Variants in FAM221B observed in about 807,000 individuals in gnomAD.
The protein encoded by FAM221B is protein FAM221B.
FAM221B carries 35 observed loss-of-function variants against 39.8 expected under a neutral mutation model. That is an observed-to-expected ratio of 0.88 (90% CI 0.67 to 1.17). FAM221B has a LOEUF of 1.17. Among genes scored for constraint, FAM221B ranks in the 50% most tolerant of loss-of-function variants. The pLI, the probability that FAM221B is intolerant of heterozygous loss-of-function variation, is 0.00. For synonymous variants in FAM221B, 158 were observed against 178.1 expected, an observed-to-expected ratio of 0.89 and a Z score of 0.90; for missense variants, 479 against 503.1, an observed-to-expected ratio of 0.95 and a Z score of 0.46.
At chr9:35,823,226 A>G (rs1298167714) in intron 3 of FAM221B, among the ~76,000 whole-genome samples, 1 of 152,190 alleles carries the variant, frequency 6.6e-6, no homozygotes, top group African/African-American at 2.4e-5. Flanking sequence ...CTGCTCATGC[A>G]GCAGTCTAGG....
In FAM221B at chr9:35,819,224, T is replaced by A. The variant is rs1829084868; in HGVS notation, c.1024A>T (p.Thr342Ser). 3.2e-6 allele frequency: 5 copies of A among 1,551,664 alleles called. No individual in the cohort carries two copies. The highest frequency in any genetic ancestry group is 4.4e-6 in the Non-Finnish European group (5 of 1,146,966). Reference protein sequence around the residue: ...CKHSHEEHAATGPHPCRHHGC... With the variant: ...CKHSHEEHAASGPHPCRHHGC... ...TGATGCCTGCAGGGATGGGGCCCAG[T>A]GGCTGCATGTTCTTCGTGGCTGTGT... The change falls in exon 5 of 7, where the codon ACT becomes TCT. Residue 342 changes from threonine (T) to serine (S), a missense_variant. Coordinates refer to ENST00000423537, the MANE Select transcript of FAM221B (RefSeq NM_001012446.4).
In FAM221B at chr9:35,819,392, T is replaced by C. The variant is rs1160228414; in HGVS notation, c.856A>G (p.Ile286Val). The change falls in exon 5 of 7, where the codon ATA becomes GTA. Residue 286 changes from isoleucine to valine, a missense_variant and splice_region_variant. Transcript: ENST00000423537. ...TGGCTTACCTTGCAGGGCACCGATA[T>C]GTCTGTGGGATTGGGGATGGATGGT... ...LLREHRIISDISVPCKVSQCR... is the reference protein window; with the variant it reads ...LLREHRIISDVSVPCKVSQCR... 6.4e-7 allele frequency: 1 copy of C among 1,551,114 alleles called. No homozygotes were observed. Among genetic ancestry groups the C allele is most frequent in the East Asian group, 2.4e-5 (1 of 40,888 alleles).
Position 35,819,352 on chromosome 9 carries a change from A to G in FAM221B, c.896T>C (p.Met299Thr), listed in dbSNP as rs1293745674. Residue 299 changes from methionine to threonine, a missense_variant, in exon 5 of 7, where the codon ATG (methionine) becomes ACG (threonine). Met to Thr is a moderately conservative substitution (Grantham distance 81). Coordinates refer to ENST00000423537, the MANE Select transcript of FAM221B (RefSeq NM_001012446.4). ...TGGGCGTGATGGGATAAAGCAGAAC[A>G]TGAAGCAGCGGCACTGGCTTACCTT... ...PCKVSQCRCF[M>T]FCFIPSRPEE... 6.4e-7 allele frequency: 1 copy of G among 1,551,728 alleles called. No homozygotes were observed. The highest frequency in any genetic ancestry group is 8.7e-7 in the Non-Finnish European group (1 of 1,147,000).
Position 35,817,656 on chromosome 9 carries a change from CTCT to C in FAM221B, c.*810_*812del, listed in dbSNP as rs1829049606. The stretch of plus-strand genomic sequence containing the variant: ...TTAGCCTTCCCAAACCTTCCCCTTT[CTCT>C]TCTTGTCTCCTGCTCCCTACTCTTA... On this transcript the variant is annotated 3_prime_UTR_variant, in exon 7 of 7. Coordinates refer to ENST00000423537, the MANE Select transcript of FAM221B (RefSeq NM_001012446.4). 1 of 152,350 alleles carries C rather than the reference CTCT, an allele frequency of 6.6e-6. No individual in the cohort carries two copies. The highest frequency in any genetic ancestry group is 1.5e-5 in the Non-Finnish European group (1 of 68,150). 9.4% of individuals were successfully genotyped at this position (152,350 alleles called of 1,614,324 possible).
rs1462728371 is a variant in FAM221B at position 35,828,056 on chromosome 9, C to A, written c.-1+407G>T. 6.6e-6 allele frequency among the ~76,000 whole-genome samples: 1 copy of A among 152,078 alleles called. No individual in the cohort carries two copies. The highest frequency in any genetic ancestry group is 1.5e-5 in the Non-Finnish European group (1 of 68,026). On this transcript the variant is annotated intron_variant, in intron 1 of 6. Coordinates refer to ENST00000423537, the MANE Select transcript of FAM221B (RefSeq NM_001012446.4). The surrounding 1 kb of genome is among the most constrained non-coding windows in gnomAD (Gnocchi z 4.5). ...GCCAGTAATCCCAGAATTTGGGAGG[C>A]CAAGGCGGGTGGATCACTTGAGGTC...
Position 35,819,442 on chromosome 9 carries a change from C to G in FAM221B, c.854-48G>C, listed in dbSNP as rs745656187. 3 of 1,504,682 alleles carry G rather than the reference C, an allele frequency of 2.0e-6. No individual in the cohort carries two copies. In the South Asian group the frequency reaches 3.7e-5, roughly 19 times the overall value. The allele number at this position is 1,504,682 out of a possible 1,614,324, so 93.2% of individuals were successfully genotyped here. ...TAGGGTTAATCTGATAGGACCTTGC[C>G]TTCTCATGCCAACCCCATCCTCCAT... On this transcript the variant is annotated intron_variant, in intron 4 of 6. Transcript: ENST00000423537.
rs921371816 is a variant in FAM221B, at chr9:35,818,461, G to A, written c.*8C>T. 6.4e-7 allele frequency: 1 copy of A among 1,551,648 alleles called. No individual in the cohort carries two copies. On this transcript the variant is annotated 3_prime_UTR_variant, in exon 7 of 7. Transcript: ENST00000423537. ...TGACTCCTCTTTTATTGCTGATCTG[G>A]GCCAGACTCACAAAGGCCTGTGCCA...
intron 3 of FAM221B, chr9:35,821,716 G>A: frequency 1.1e-6 from 1 of 876,304 alleles, no homozygotes; most frequent in Non-Finnish European, 1.7e-6. Context: ...TCAAGTCCAA[G>A]CACTAGTGTA....
intron 1 of FAM221B, 117 bp from the exon 2 acceptor site, chr9:35,826,278 T>C: frequency 1.3e-6 from 1 of 774,022 alleles, no homozygotes; most frequent in Non-Finnish European, 2.1e-6. Flanking sequence ...TCAGTGCAGC[T>C]GAGATATAAG....
In FAM221B at chr9:35,818,999, G is replaced by A. The variant is rs10972591; in HGVS notation, c.1062C>T (p.Cys354=). Residue 354 remains cysteine, a synonymous_variant, in exon 6 of 7, where the codon TGC becomes TGT. Transcript: ENST00000423537. ...AGAGGAAATTAGACTCAAAACAGCC[G>A]CAGCAACAGCCTGGGGCAAAAGTGC... ...PHPCRHHGCC[C]GCFESNFLCA... 0.027 allele frequency: 42,232 copies of A among 1,551,584 alleles called. 1,236 individuals carry two copies. Among genetic ancestry groups the A allele is most frequent in the African/African-American group, 0.15 (11,016 of 73,102 alleles).
chr9:35,825,372 A>G lies in FAM221B; in HGVS notation c.600T>C (p.Gly200=), dbSNP rs186319743. 4.8e-5 allele frequency: 77 copies of G among 1,614,100 alleles called. No individual in the cohort carries two copies. In the Admixed American group the frequency reaches 7.7e-4, roughly 16 times the overall value. ...CAGGGAACACTGGGCGGGCTGTGTT[A>G]CCTAGGATGGGAGAGGATGAGTAAC... is the stretch of plus-strand genomic sequence containing the variant. ...AHTAQPGHQL[G]NTARPVFPAR... Residue 200 remains glycine, a splice_region_variant and synonymous_variant, in exon 3 of 7, where the codon GGT becomes GGC. Transcript: ENST00000423537. This position sits in a 1 kb window ranked among gnomAD's most constrained non-coding sequence, Gnocchi z 4.2.
Position 35,818,908 on chromosome 9 carries a change from G to C in FAM221B, c.1153C>G (p.Arg385Gly). ...GCCTCACCGCGAGGCCTTCCTCCTC[G>C]TTGCCGGGTCTTCTGGGTGTCAAAG... ...TFFDTQKTRQ[R>G]GGRPRGTDTV... Residue 385 changes from arginine (R) to glycine (G), a missense_variant, in exon 6 of 7, where the codon CGA (arginine) becomes GGA (glycine). Physicochemically the swap from Arg to Gly is moderately radical, Grantham distance 125 (BLOSUM62 -2). Transcript: ENST00000423537. The C allele has an allele frequency of 6.4e-7, 1 of 1,551,900 alleles. No homozygotes were observed. Among genetic ancestry groups the C allele is most frequent in the Non-Finnish European group, 8.7e-7 (1 of 1,147,064 alleles).
intron 4 of FAM221B, 60 bp downstream of exon 4, chr9:35,819,830 G>A: frequency 7.5e-7 from 1 of 1,328,322 alleles, no homozygotes; most frequent in Non-Finnish European, 1.1e-6. Context: ...TACTTCCCAA[G>A]ACATGACAGA....
chr9:35,827,177 T>G (rs1396396476), intron 1 of FAM221B, among the ~76,000 whole-genome samples: 3 of 152,200 alleles, frequency 2.0e-5, no homozygotes, highest in African/African-American at 7.2e-5. Context: ...TCCTAGTCTT[T>G]TCCTTTTCCC....
At position 35,817,188 on chromosome 9, in the gene FAM221B, A is replaced by G. The variant is rs551982711; in HGVS notation, c.*1281T>C. The G allele has an allele frequency of 3.3e-5, 5 of 152,332 alleles. No individual in the cohort carries two copies. The South Asian group carries it at 6.2e-4, about 19-fold the overall frequency. 9.4% of individuals were successfully genotyped at this position (152,332 alleles called of 1,614,324 possible). ...GAATCTCCTACTCCCATAAGAACCT[A>G]TGGACTCCCTTGTGACTTCCCACAT... is the stretch of plus-strand genomic sequence containing the variant. On this transcript the variant is annotated 3_prime_UTR_variant, in exon 7 of 7. Coordinates refer to ENST00000423537, the MANE Select transcript of FAM221B (RefSeq NM_001012446.4).
chr9:35,818,785 A>C (rs2132134879), intron 6 of FAM221B, 105 bp downstream of exon 6: 520 of 1,370,320 alleles, frequency 3.8e-4, no homozygotes, highest in Non-Finnish European at 4.8e-4. Flanking sequence ...GGGCTGAGGG[A>C]GCGCGCTAGT....
At chr9:35,818,660 G>T (rs557399419) in intron 6 of FAM221B, among the ~76,000 whole-genome samples, 154 bp from the exon 7 acceptor site, 1 of 152,338 alleles carries the variant, frequency 6.6e-6, no homozygotes, top group African/African-American at 2.4e-5. Flanking sequence ...AGAAGTCAGA[G>T]TTGCTGAGGA....
Position 35,825,985 on chromosome 9 carries a change from C to T in FAM221B, c.177G>A (p.Val59=), listed in dbSNP as rs77160300. The change falls in exon 2 of 7, where the codon GTG becomes GTA. Residue 59 remains valine, a synonymous_variant. Coordinates refer to ENST00000423537, the MANE Select transcript of FAM221B (RefSeq NM_001012446.4). This position sits in a 1 kb window ranked among gnomAD's most constrained non-coding sequence, Gnocchi z 4.2. ...LEPHTSESPL[V]PSPSQIPLEA... ...CTAAGGGGATCTGGGAAGGGGATGG[C>T]ACCAAAGGGGATTCAGAGGTATGGG... 4,918 of 1,613,892 alleles carry T rather than the reference C, an allele frequency of 3.0e-3. 135 individuals carry two copies. The African/African-American group carries it at 0.056, about 18-fold the overall frequency.
intron 3 of FAM221B, among the ~76,000 whole-genome samples, chr9:35,823,416 A>G (rs769091757): frequency 6.6e-6 from 1 of 152,244 alleles, no homozygotes; most frequent in Non-Finnish European, 1.5e-5. Context: ...ATGAATAAAA[A>G]CAAAGGTTAC....
Sources: gnomAD v4.1 joint callset for allele counts (sites outside exome capture counted in the v4.1 genomes callset) on GRCh38, gnomAD v4.1.1 for gene constraint, Gnocchi (gnomAD v3.1) non-coding constraint, MANE v1.5 for transcripts, NCBI Gene and HGNC (gene_info 2026-07-23, HGNC 2026-07-21) for gene names.